The following SEC14L6 variants were observed in gnomAD, a reference collection of about 807,000 sequenced individuals.
SEC14L6 encodes SEC14 like lipid binding 6.
SEC14L6 carries 40 observed loss-of-function variants against 54.1 expected under a neutral mutation model. The ratio of observed to expected loss-of-function variants is 0.74; its 90% CI spans 0.57 to 0.96. The LOEUF is 0.96. Among genes scored for constraint, SEC14L6 ranks in the 40% least tolerant of loss-of-function variants. The probability of loss-of-function intolerance (pLI) is 0.00; values close to 1 mark genes in which losing one functional copy is unlikely to be tolerated. For missense variants in SEC14L6, 471 were observed against 498.3 expected (o/e 0.95, Z 0.52); for synonymous variants, 171 against 198.4 (o/e 0.86, Z 1.16).
chr22:30,537,574 A>G (rs764218), intron 2 of SEC14L6, among the ~76,000 whole-genome samples: 105,360 of 152,154 alleles, frequency 0.69, 36,762 homozygotes, highest in Middle Eastern at 0.74. Context: ...AGCTGATGTC[A>G]GCCTGGGCTT....
intron 2 of SEC14L6, 71 bp from the exon 3 acceptor site, chr22:30,534,110 C>A: frequency 7.1e-7 from 1 of 1,418,436 alleles, no homozygotes; most frequent in Non-Finnish European, 9.7e-7. Context: ...GAGACAACGG[C>A]CCTGCCCCAC....
intron 1 of SEC14L6, chr22:30,543,228 G>C: frequency 6.2e-7 from 1 of 1,601,898 alleles, no homozygotes; most frequent in Non-Finnish European, 8.6e-7. Flanking sequence ...TGACCCGCGG[G>C]GACATTCACT....
rs1220136961 is a variant in SEC14L6 at position 30,523,134 on chromosome 22, T to A, written c.*1863A>T. Reference sequence around the variant, plus strand: ...GGGCTGCTGAATGCCCGTGTTTCCATTTTTGGACAGGATTCCTGTAAAGTA... The same window carrying A: ...GGGCTGCTGAATGCCCGTGTTTCCAATTTTGGACAGGATTCCTGTAAAGTA... On this transcript the variant is annotated 3_prime_UTR_variant, in exon 12 of 12. Coordinates refer to ENST00000402034, the MANE Select transcript of SEC14L6 (RefSeq NM_001193336.4). The A allele has an allele frequency of 6.6e-6, 1 of 152,172 alleles. No homozygotes were observed. The highest frequency in any genetic ancestry group is 1.9e-4 in the East Asian group (1 of 5,182). The allele number at this position is 152,172 out of a possible 1,614,324, so 9.4% of individuals were successfully genotyped here. A position where few individuals can be genotyped will look rare whatever the true frequency, so the allele number is the denominator to read the frequency against.
rs183840901 is a variant in SEC14L6, at chr22:30,525,863, A to G, written c.734T>C (p.Met245Thr). ...DQLPVEFGGT[M>T]TDPDGNPKCL... ...CTTGGGGTTGCCATCGGGGTCAGTCATGGTCCCCCCAAACTCCACGGGCAG... is the reference window on the plus strand; with the variant it reads ...CTTGGGGTTGCCATCGGGGTCAGTCGTGGTCCCCCCAAACTCCACGGGCAG... The change falls in exon 9 of 12, where the codon ATG becomes ACG. Residue 245 changes from methionine to threonine, a missense_variant. By Grantham distance (81) the Met-to-Thr change is moderately conservative. Coordinates refer to ENST00000402034, the MANE Select transcript of SEC14L6 (RefSeq NM_001193336.4). The G allele has an allele frequency of 2.5e-6, 4 of 1,613,704 alleles. No individual in the cohort carries two copies. The highest frequency in any genetic ancestry group is 2.2e-5 in the East Asian group (1 of 44,888).
Position 30,524,458 on chromosome 22 carries a change from C to T in SEC14L6, c.*539G>A, listed in dbSNP as rs1354950063. 1 of 152,530 alleles carries T rather than the reference C, an allele frequency of 6.6e-6. No individual in the cohort carries two copies. Among genetic ancestry groups the T allele is most frequent in the African/African-American group, 2.4e-5 (1 of 41,434 alleles). The allele number at this position is 152,530 out of a possible 1,614,324, so 9.4% of individuals were successfully genotyped here. The stretch of plus-strand genomic sequence containing the variant: ...TGGCATGATTTCGGCTCACTGCAAC[C>T]TCTGCCTACCAAGTTCAGGCGACTC... On this transcript the variant is annotated 3_prime_UTR_variant, in exon 12 of 12. Transcript: ENST00000402034.
Position 30,524,771 on chromosome 22 carries a change from T to C in SEC14L6, c.*226A>G. ...CTGAGCTTGAGGTCACAGCAGGTCA[T>C]AGTGGGGATGGAGTGTCTGTGTTGC... On this transcript the variant is annotated 3_prime_UTR_variant, in exon 12 of 12. Coordinates refer to ENST00000402034, the MANE Select transcript of SEC14L6 (RefSeq NM_001193336.4). The C allele has an allele frequency of 2.1e-6, 1 of 485,348 alleles. No individual in the cohort carries two copies. Among genetic ancestry groups the C allele is most frequent in the Non-Finnish European group, 3.7e-6 (1 of 267,954 alleles). 30.1% of individuals were successfully genotyped at this position (485,348 alleles called of 1,614,324 possible). A position where few individuals can be genotyped will look rare whatever the true frequency, so the allele number is the denominator to read the frequency against.
chr22:30,533,146 G>A (rs1568968782), intron 3 of SEC14L6: 2 of 985,326 alleles, frequency 2.0e-6, no homozygotes, highest in East Asian at 2.3e-4. Context: ...CCGCATGGCT[G>A]CCCTGGGAGT....
In SEC14L6 at chr22:30,525,421, A is replaced by T; in HGVS notation, c.1010T>A (p.Leu337Gln). 6.2e-7 allele frequency: 1 copy of T among 1,614,198 alleles called. No homozygotes were observed. Among genetic ancestry groups the T allele is most frequent in the East Asian group, 2.2e-5 (1 of 44,882 alleles). Residue 337 changes from leucine to glutamine, a missense_variant, in exon 11 of 12, where the codon CTG becomes CAG. Transcript: ENST00000402034. Reference sequence around the variant, plus strand: ...GTGGGCATTGTAGCGCTGGCTGGGCAGCACCTCTGTCATCTCCCTAGCCCT... The same window carrying T: ...GTGGGCATTGTAGCGCTGGCTGGGCTGCACCTCTGTCATCTCCCTAGCCCT... ...RQRAREMTEVLPSQRYNAHMV... is the reference protein window; with the variant it reads ...RQRAREMTEVQPSQRYNAHMV...
At chr22:30,540,006 C>T (rs1425263114) in intron 1 of SEC14L6, among the ~76,000 whole-genome samples, 2 of 152,226 alleles carry the variant, frequency 1.3e-5, no homozygotes, top group East Asian at 3.8e-4. Flanking sequence ...CAGCAGGTCC[C>T]ACTGTGGCCT....
intron 7 of SEC14L6, 52 bp downstream of exon 7, chr22:30,529,237 C>T (rs1023533672): frequency 4.5e-6 from 7 of 1,545,086 alleles, no homozygotes; most frequent in East Asian, 2.4e-5. Context: ...ACCCGGTCAC[C>T]GCACATCCCC....
At chr22:30,545,428 T>C (rs2085788666) in intron 1 of SEC14L6, among the ~76,000 whole-genome samples, 1 of 151,576 alleles carries the variant, frequency 6.6e-6, no homozygotes, top group Non-Finnish European at 1.5e-5. Context: ...AGGGTCTAGC[T>C]CTGTTGCCCA....
At chr22:30,545,046 A>G (rs1189233586) in intron 1 of SEC14L6, among the ~76,000 whole-genome samples, 1 of 152,034 alleles carries the variant, frequency 6.6e-6, no homozygotes, top group African/African-American at 2.4e-5. Flanking sequence ...AAACCCTATG[A>G]TGGCAGGAAT....
chr22:30,545,398 AT>A lies in SEC14L6; in HGVS notation c.54+1230del, dbSNP rs963655367. Among the ~76,000 whole-genome samples the A allele has an allele frequency of 3.5e-3, 508 of 144,238 alleles. 1 individual carries two copies. Among genetic ancestry groups the A allele is most frequent in the East Asian group, 0.016 (78 of 4,992 alleles). 94.6% of individuals were successfully genotyped at this position (144,238 alleles called of 152,430 possible). A position where few individuals can be genotyped will look rare whatever the true frequency, so the allele number is the denominator to read the frequency against. ...GACTCAGTATCCCCTCAAAACACTC[AT>A]TTTTTTTTTTTTTGAAACAGGGTCT... On this transcript the variant is annotated intron_variant, in intron 1 of 11. Transcript: ENST00000402034.
At chr22:30,546,561 G>A in intron 1 of SEC14L6, 68 bp downstream of exon 1, 1 of 1,430,462 alleles carries the variant, frequency 7.0e-7, no homozygotes. Flanking sequence ...CAGGGACCTT[G>A]AGTCCTGCCC....
At chr22:30,533,330 A>C in intron 3 of SEC14L6, 1 of 194,992 alleles carries the variant, frequency 5.1e-6, no homozygotes. Context: ...GCCAGGCACA[A>C]TGTCTCACGC....
intron 2 of SEC14L6, among the ~76,000 whole-genome samples, chr22:30,536,214 C>G (rs2085597765): frequency 6.6e-6 from 1 of 152,156 alleles, no homozygotes. Flanking sequence ...GTTGCCATCA[C>G]AGGTTTTACA....
In SEC14L6 at chr22:30,532,551, G is replaced by T. The variant is rs1020046988; in HGVS notation, c.397C>A (p.Arg133=). 1.5e-5 allele frequency: 24 copies of T among 1,550,210 alleles called. No homozygotes were observed. The highest frequency in any genetic ancestry group is 1.9e-5 in the Non-Finnish European group (22 of 1,146,882). The change falls in exon 5 of 12, where the codon CGG becomes AGG. Residue 133 remains arginine, a synonymous_variant. Coordinates refer to ENST00000402034, the MANE Select transcript of SEC14L6 (RefSeq NM_001193336.4). ...DSFRSCELLL[R]ECELQSQKLG... Reference sequence around the variant, plus strand: ...TTCTGACTCTGCAGCTCACACTCCCGCAGGAGCAGCTCGCAGCTCCGGAAG... The same window carrying T: ...TTCTGACTCTGCAGCTCACACTCCCTCAGGAGCAGCTCGCAGCTCCGGAAG...
intron 2 of SEC14L6, among the ~76,000 whole-genome samples, chr22:30,538,066 G>T (rs985309215): frequency 6.6e-6 from 1 of 152,048 alleles, no homozygotes; most frequent in African/African-American, 2.4e-5. Flanking sequence ...TTGGCCAGAC[G>T]AGATGGCTCA....
intron 1 of SEC14L6, among the ~76,000 whole-genome samples, chr22:30,540,837 G>A (rs1005306557): frequency 7.9e-5 from 12 of 151,886 alleles, no homozygotes; most frequent in African/African-American, 2.2e-4. Flanking sequence ...TTGCCAACAC[G>A]GTGAAACCCC....
Sources: gnomAD v4.1 joint callset for allele counts (sites outside exome capture counted in the v4.1 genomes callset) on GRCh38, gnomAD v4.1.1 for gene constraint, MANE v1.5 for transcripts, NCBI Gene and HGNC (gene_info 2026-07-23, HGNC 2026-07-21) for gene names.